The following CHRM2 variants were observed in gnomAD, a reference collection of about 807,000 sequenced individuals.
CHRM2 encodes the protein muscarinic acetylcholine receptor M2.
Under a neutral mutation model 25.0 loss-of-function variants are expected in CHRM2, and 8 were observed. That is an observed-to-expected ratio of 0.32 (90% CI 0.19 to 0.58). The LOEUF (loss-of-function observed/expected upper bound fraction) is 0.58, where lower values mean the gene tolerates loss of function less well. Among genes scored for constraint, CHRM2 ranks in the 20% least tolerant of loss-of-function variants. The pLI, the probability that CHRM2 is intolerant of heterozygous loss-of-function variation, is 0.88. For missense variants in CHRM2, 440 were observed against 567.1 expected (o/e 0.78, Z 2.28); for synonymous variants, 202 against 205.7 (o/e 0.98, Z 0.15).
intron 2 of CHRM2, among the ~76,000 whole-genome samples, chr7:136,987,118 T>G (rs542950148): frequency 7.1e-6 from 1 of 140,308 alleles, no homozygotes; most frequent in Admixed American, 7.1e-5. Context: ...CTTTCTTTTT[T>G]ATTTCTCTTT....
chr7:136,961,132 A>T (rs1267355546), intron 2 of CHRM2, among the ~76,000 whole-genome samples: 1 of 152,128 alleles, frequency 6.6e-6, no homozygotes. Flanking sequence ...TAAAAAAAAA[A>T]ATTAATTAAA....
chr7:136,971,618 C>CAAAAAAAAA (rs10708408), intron 2 of CHRM2, among the ~76,000 whole-genome samples: 1 of 92,908 alleles, frequency 1.1e-5, no homozygotes, highest in Non-Finnish European at 2.1e-5. Context: ...CTCTGTTTCA[C>CAAAAAAAAA]AAAAAAAAAA....
chr7:136,896,240 G>A (rs1796897252), intron 2 of CHRM2, among the ~76,000 whole-genome samples: 2 of 152,156 alleles, frequency 1.3e-5, no homozygotes, highest in Non-Finnish European at 2.9e-5. Context: ...TCTTTGAGAT[G>A]AAGTTCATCA....
chr7:137,014,696 C>T, intron 3 of CHRM2, 124 bp from the exon 4 acceptor site: 1 of 682,680 alleles, frequency 1.5e-6, no homozygotes, highest in African/African-American at 1.8e-5. Context: ...CAGGTAGACA[C>T]AGTAATCATG....
At chr7:136,940,081 GT>G in intron 2 of CHRM2, among the ~76,000 whole-genome samples, 1 of 152,290 alleles carries the variant, frequency 6.6e-6, no homozygotes, top group South Asian at 2.1e-4. Context: ...AATCATAAAT[GT>G]AAGCAACATC....
chr7:136,949,742 A>G (rs911303325), intron 2 of CHRM2, among the ~76,000 whole-genome samples: 4 of 14,794 alleles, frequency 2.7e-4, no homozygotes, highest in African/African-American at 3.9e-4. Flanking sequence ...ACAGTATTTG[A>G]TTTTTTTTTT....
intron 2 of CHRM2, among the ~76,000 whole-genome samples, chr7:136,946,188 T>C (rs1197248444): frequency 6.6e-6 from 1 of 152,144 alleles, no homozygotes; most frequent in Non-Finnish European, 1.5e-5. Flanking sequence ...GTTCTGAAAA[T>C]TAAAAGTATT....
At chr7:136,970,326 C>A (rs324593) in intron 2 of CHRM2, among the ~76,000 whole-genome samples, 129,247 of 152,188 alleles carry the variant, frequency 0.85, 55,803 homozygotes, top group Middle Eastern at 0.97. Context: ...TCAACAAAAT[C>A]TGTTTATTCA....
chr7:136,954,899 T>C (rs572938385), intron 2 of CHRM2, among the ~76,000 whole-genome samples: 1 of 152,274 alleles, frequency 6.6e-6, no homozygotes, highest in African/African-American at 2.4e-5. Flanking sequence ...GTTGCCTCCC[T>C]CTGCTAAAGA....
At chr7:136,879,139 G>A (rs1344423561) in intron 2 of CHRM2, among the ~76,000 whole-genome samples, 1 of 151,916 alleles carries the variant, frequency 6.6e-6, no homozygotes, top group Non-Finnish European at 1.5e-5. Flanking sequence ...TCTAGGCACA[G>A]AGGTGGAAAA....
At chr7:136,882,972 T>C (rs1796323368) in intron 2 of CHRM2, among the ~76,000 whole-genome samples, 1 of 152,136 alleles carries the variant, frequency 6.6e-6, no homozygotes, top group Non-Finnish European at 1.5e-5. Context: ...ATGTAAAAGA[T>C]AAATGAACAA....
chr7:136,881,428 T>C (rs953925173), intron 2 of CHRM2, among the ~76,000 whole-genome samples: 1 of 152,050 alleles, frequency 6.6e-6, no homozygotes, highest in East Asian at 1.9e-4. Flanking sequence ...TTCTTGAAGA[T>C]AAATTTTAGC....
chr7:136,903,163 T>C (rs1797327947), intron 2 of CHRM2: 1 of 534,194 alleles, frequency 1.9e-6, no homozygotes, highest in Non-Finnish European at 3.8e-6. Flanking sequence ...CTCCCTTCAC[T>C]TTATGGAGGC....
chr7:136,930,926 A>C (rs1350986966), intron 2 of CHRM2, among the ~76,000 whole-genome samples: 1 of 145,600 alleles, frequency 6.9e-6, no homozygotes, highest in African/African-American at 2.6e-5. Context: ...AAAAAAAAAA[A>C]AGGATAGAAA....
intron 2 of CHRM2, among the ~76,000 whole-genome samples, chr7:136,878,965 AC>A (rs2130492658): frequency 6.6e-6 from 1 of 152,040 alleles, no homozygotes; most frequent in South Asian, 2.1e-4. Context: ...AGCAAGTCTC[AC>A]TTCTAGTCAG....
intron 2 of CHRM2, among the ~76,000 whole-genome samples, chr7:136,984,314 G>A (rs1253471229): frequency 1.3e-5 from 2 of 152,142 alleles, no homozygotes; most frequent in East Asian, 3.9e-4. Context: ...CATCCCAGGT[G>A]GACTTCAGAC....
chr7:136,886,829 C>CA (rs1796486076), intron 2 of CHRM2, among the ~76,000 whole-genome samples: 1 of 152,118 alleles, frequency 6.6e-6, no homozygotes, highest in Admixed American at 6.5e-5. Flanking sequence ...GCTGTGATTG[C>CA]ACCACTGCAC....
At chr7:136,963,304 G>T (rs878976571) in intron 2 of CHRM2, among the ~76,000 whole-genome samples, 7 of 152,144 alleles carry the variant, frequency 4.6e-5, no homozygotes, top group African/African-American at 1.7e-4. Flanking sequence ...TTTTAAAAGC[G>T]TTTATCTCGT....
chr7:136,914,373 T>A (rs1021825231), intron 2 of CHRM2: 3 of 151,966 alleles, frequency 2.0e-5, no homozygotes, highest in Non-Finnish European at 4.4e-5. Context: ...ATAAGCACTG[T>A]CAGCCTGCCT....
Sources: allele counts gnomAD v4.1 joint callset (sites outside exome capture counted in the v4.1 genomes callset), GRCh38; gene constraint gnomAD v4.1.1; transcripts MANE v1.5; gene names NCBI Gene and HGNC (gene_info 2026-07-23, HGNC 2026-07-21).